Variants in CCNY observed in about 807,000 individuals in gnomAD.
CCNY encodes the protein cyclin Y.
Under a neutral mutation model 42.8 loss-of-function variants are expected in CCNY, and 19 were observed. That is an observed-to-expected ratio of 0.44 (90% confidence interval 0.31 to 0.65). The LOEUF (loss-of-function observed/expected upper bound fraction) is 0.65. CCNY is among the 30% of genes least tolerant of loss of function. The pLI is 0.07. For missense variants in CCNY, 370 were observed against 437.3 expected, an observed-to-expected ratio of 0.85 and a Z score of 1.37; for synonymous variants, 165 against 162.7, an observed-to-expected ratio of 1.01 and a Z score of -0.11.
intron 2 of CCNY, among the ~76,000 whole-genome samples, chr10:35,484,252 G>C (rs1166669786): frequency 6.6e-6 from 1 of 152,190 alleles, no homozygotes; most frequent in Admixed American, 6.5e-5. Context: ...TTGGGCAATT[G>C]CTAAGCTTTA....
intron 8 of CCNY, among the ~76,000 whole-genome samples, chr10:35,553,853 G>A (rs1399692633): frequency 6.6e-6 from 1 of 152,132 alleles, no homozygotes; most frequent in Non-Finnish European, 1.5e-5. Context: ...TTATTAGTAG[G>A]ACACCTGCAG....
intron 1 of CCNY, among the ~76,000 whole-genome samples, chr10:35,401,193 G>A (rs974239161): frequency 6.6e-6 from 1 of 152,250 alleles, no homozygotes; most frequent in African/African-American, 2.4e-5. Context: ...CTGCCCTTGT[G>A]ATAGTTCCTT....
At chr10:35,512,718 A>G (rs1227194201) in intron 3 of CCNY, among the ~76,000 whole-genome samples, 2 of 152,108 alleles carry the variant, frequency 1.3e-5, no homozygotes, top group Non-Finnish European at 2.9e-5. Context: ...TTTGCCAAGA[A>G]AGAGGCAAGA....
intron 1 of CCNY, among the ~76,000 whole-genome samples, chr10:35,349,204 G>A (rs1441504992): frequency 1.3e-5 from 2 of 152,144 alleles, no homozygotes; most frequent in Non-Finnish European, 2.9e-5. Context: ...TAAGAGTGAA[G>A]GGTACCTCTG....
At chr10:35,265,534 G>C (rs909622390) in intron 3 of CCNY, among the ~76,000 whole-genome samples, 1 of 152,228 alleles carries the variant, frequency 6.6e-6, no homozygotes. Flanking sequence ...CCTCTTGCCT[G>C]CAGTGAGCCC....
chr10:35,449,946 A>G (rs551676471), intron 1 of CCNY: 5 of 216,586 alleles, frequency 2.3e-5, no homozygotes, highest in Admixed American at 1.3e-4. Context: ...AGTCAGCAGG[A>G]TTCTGCATCT....
At chr10:35,545,739 G>T (rs775817960) in intron 7 of CCNY, among the ~76,000 whole-genome samples, 4 of 151,962 alleles carry the variant, frequency 2.6e-5, no homozygotes, top group African/African-American at 9.7e-5. Flanking sequence ...ATCTCTCCAG[G>T]GATACCAGCA....
chr10:35,551,228 C>A (rs183910057), intron 7 of CCNY, among the ~76,000 whole-genome samples: 58 of 152,268 alleles, frequency 3.8e-4, no homozygotes, highest in Non-Finnish European at 7.4e-4. Flanking sequence ...TCAAGAACTT[C>A]CTAAAGTTCA....
In CCNY at chr10:35,349,305, CA is replaced by C. The variant is rs577799293; in HGVS notation, c.154+12099del. ...ACAGCCAGCTGCCTCATGGACACAG[CA>C]GAGCCTCTCCTTGCTACCCACTCTC... On this transcript the variant is annotated intron_variant, in intron 1 of 9. Transcript: ENST00000374704. 5.9e-4 allele frequency among the ~76,000 whole-genome samples: 90 copies of C among 152,322 alleles called. No individual in the cohort carries two copies. In the East Asian group the frequency reaches 0.017, roughly 28 times the overall value.
At chr10:35,370,427 A>C (rs1016897697) in intron 1 of CCNY, among the ~76,000 whole-genome samples, 1 of 152,026 alleles carries the variant, frequency 6.6e-6, no homozygotes, top group African/African-American at 2.4e-5. Context: ...TTGGGATTAC[A>C]GGCGTGAGCC....
chr10:35,535,025 G>C (rs1352033037), intron 7 of CCNY, among the ~76,000 whole-genome samples: 1 of 147,992 alleles, frequency 6.8e-6, no homozygotes, highest in Non-Finnish European at 1.5e-5. Flanking sequence ...GTGTGTGTGT[G>C]TGTGTGTATG....
chr10:35,338,471 T>TA (rs1293008703), intron 1 of CCNY, among the ~76,000 whole-genome samples: 1 of 152,202 alleles, frequency 6.6e-6, no homozygotes, highest in Non-Finnish European at 1.5e-5. Context: ...ATTTTAAACA[T>TA]ACGCTTAGAT....
intron 1 of CCNY, among the ~76,000 whole-genome samples, chr10:35,373,989 T>C (rs1192922665): frequency 6.6e-6 from 1 of 152,212 alleles, no homozygotes; most frequent in Admixed American, 6.5e-5. Flanking sequence ...GGAAGTATCA[T>C]TTTGTACAGT....
chr10:35,426,537 G>C (rs1838278165), intron 1 of CCNY, among the ~76,000 whole-genome samples: 1 of 152,202 alleles, frequency 6.6e-6, no homozygotes, highest in Non-Finnish European at 1.5e-5. Flanking sequence ...TGGCCATCAA[G>C]AAGAAGCAAA....
chr10:35,478,668 T>A (rs944844683), intron 1 of CCNY, among the ~76,000 whole-genome samples: 1 of 152,116 alleles, frequency 6.6e-6, no homozygotes, highest in Non-Finnish European at 1.5e-5. Flanking sequence ...AAATGTGAGA[T>A]CTAAAACCAT....
At chr10:35,294,861 T>G (rs1400185650) in intron 3 of CCNY, among the ~76,000 whole-genome samples, 1 of 152,240 alleles carries the variant, frequency 6.6e-6, no homozygotes, top group Non-Finnish European at 1.5e-5. Context: ...CAAGTGAAGT[T>G]ACCTGGGCCT....
In CCNY at chr10:35,345,766, G is replaced by T. The variant is rs982500199; in HGVS notation, c.154+8559G>T. Among the ~76,000 whole-genome samples, 7 of 152,190 alleles carry T rather than the reference G, an allele frequency of 4.6e-5. No individual in the cohort carries two copies. The East Asian group carries it at 1.3e-3, about 29-fold the overall frequency. On this transcript the variant is annotated intron_variant, in intron 1 of 9. Transcript: ENST00000374704. ...TAACTGTAATTTTAGAGCTGGGTAG[G>T]GTAAGGTTATATAGAGCTGTCTGAC...
chr10:35,431,461 A>T, intron 1 of CCNY, among the ~76,000 whole-genome samples: 1 of 99,860 alleles, frequency 1.0e-5, no homozygotes, highest in Non-Finnish European at 2.1e-5. Context: ...TCTCTCTCAC[A>T]CTCACTCATC....
chr10:35,363,465 TG>T (rs1219578051), intron 1 of CCNY, among the ~76,000 whole-genome samples: 1 of 152,062 alleles, frequency 6.6e-6, no homozygotes, highest in Non-Finnish European at 1.5e-5. Context: ...TCCCAGACGG[TG>T]GGGCGGCCTG....
Sources: gnomAD v4.1 joint callset for allele counts (sites outside exome capture counted in the v4.1 genomes callset) on GRCh38, gnomAD v4.1.1 for gene constraint, MANE v1.5 for transcripts, NCBI Gene and HGNC (gene_info 2026-07-23, HGNC 2026-07-21) for gene names.